Variants in NLRP11 observed in about 807,000 individuals in gnomAD.
The protein encoded by NLRP11 is NLR family pyrin domain containing 11.
Under a neutral mutation model 79.3 loss-of-function variants are expected in NLRP11, and 53 were observed. That is an observed-to-expected ratio of 0.67 (90% CI 0.54 to 0.84). NLRP11 has a LOEUF of 0.84. NLRP11 is among the 40% of genes least tolerant of loss of function. The pLI is 0.00. For synonymous variants in NLRP11, 518 were observed against 462.6 expected (o/e 1.12, Z -1.54); for missense variants, 1,264 against 1,255.0 (o/e 1.01, Z -0.11).
chr19:55,830,205 TTAG>T (rs1354565112), intron 1 of NLRP11, among the ~76,000 whole-genome samples: 3 of 152,158 alleles, frequency 2.0e-5, no homozygotes, highest in African/African-American at 7.2e-5. Flanking sequence ...AGATTAGGGA[TTAG>T]TAAGTTAAGC....
intron 1 of NLRP11, among the ~76,000 whole-genome samples, chr19:55,822,847 C>A (rs1368755767): frequency 2.6e-5 from 4 of 152,180 alleles, no homozygotes; most frequent in Non-Finnish European, 2.9e-5. Flanking sequence ...GGGGCGCCCG[C>A]CATTGCCCAG....
chr19:55,835,873 C>T (rs1166191677), upstream of NLRP11, among the ~76,000 whole-genome samples: 5 of 152,050 alleles, frequency 3.3e-5, no homozygotes, highest in African/African-American at 1.2e-4. Flanking sequence ...CCTGTAATCC[C>T]AGCACTTCGG....
intron 2 of NLRP11, among the ~76,000 whole-genome samples, chr19:55,810,637 C>T (rs927703618): frequency 6.6e-6 from 1 of 152,156 alleles, no homozygotes; most frequent in Non-Finnish European, 1.5e-5. Context: ...GCTAGGATTA[C>T]AGGCGTGCAC....
chr19:55,809,018 T>C lies in NLRP11; in HGVS notation c.1592A>G (p.His531Arg). ...CAACTTTTCCGGGTCACGGTCCAAA[T>C]GTTTCATGTATCCCACCGAGTACCA... Residue 531 changes from histidine (H) to arginine (R), a missense_variant, in exon 3 of 10, where the codon CAT (histidine) becomes CGT (arginine). His to Arg is a conservative substitution (Grantham distance 29). Transcript: ENST00000589093. This position sits in a 1 kb window ranked among gnomAD's most constrained non-coding sequence, Gnocchi z 4.5. 1.2e-6 allele frequency: 2 copies of C among 1,614,100 alleles called. No individual in the cohort carries two copies. The highest frequency in any genetic ancestry group is 8.5e-7 in the Non-Finnish European group (1 of 1,180,012).
At chr19:55,797,338 A>C (rs182462997) in intron 5 of NLRP11, among the ~76,000 whole-genome samples, 23 of 152,222 alleles carry the variant, frequency 1.5e-4, no homozygotes, top group Admixed American at 2.6e-4. Context: ...AAAATAAGTG[A>C]TCTTTCCCCA....
chr19:55,809,967 C>T lies in NLRP11; in HGVS notation c.643G>A (p.Ala215Thr). The change falls in exon 3 of 10, where the codon GCA becomes ACA. Residue 215 changes from alanine (A) to threonine (T), a missense_variant. Coordinates refer to ENST00000589093, the Ensembl canonical transcript of NLRP11. The surrounding 1 kb of genome is among the most constrained non-coding windows in gnomAD (Gnocchi z 4.5). ...TTCTTGGGATCAGACAGGATGTCTGCAATGGGAGCCTGGCCGTCAGGCCAG... is the reference window on the plus strand; with the variant it reads ...TTCTTGGGATCAGACAGGATGTCTGTAATGGGAGCCTGGCCGTCAGGCCAG... 1.2e-6 allele frequency: 2 copies of T among 1,614,194 alleles called. No homozygotes were observed. Among genetic ancestry groups the T allele is most frequent in the African/African-American group, 2.7e-5 (2 of 75,064 alleles).
At chr19:55,803,453 A>G (rs141724944) in intron 4 of NLRP11, among the ~76,000 whole-genome samples, 2 of 152,344 alleles carry the variant, frequency 1.3e-5, no homozygotes, top group East Asian at 3.9e-4. Context: ...AAAGCAAAAA[A>G]TGACAAATGG....
At chr19:55,798,751 C>CAG (rs879835954) in intron 5 of NLRP11, among the ~76,000 whole-genome samples, 1 of 142,754 alleles carries the variant, frequency 7.0e-6, no homozygotes, top group Non-Finnish European at 1.5e-5. Flanking sequence ...CACACACACA[C>CAG]TCACACACAC....
chr19:55,830,919 CAG>C (rs1165700564), intron 1 of NLRP11, among the ~76,000 whole-genome samples: 1 of 152,146 alleles, frequency 6.6e-6, no homozygotes, highest in African/African-American at 2.4e-5. Context: ...CACTGAGACA[CAG>C]GGGAATCACC....
intron 7 of NLRP11, among the ~76,000 whole-genome samples, chr19:55,791,586 A>G (rs528098146): frequency 6.6e-6 from 1 of 152,344 alleles, no homozygotes; most frequent in African/African-American, 2.4e-5. Flanking sequence ...AGTTTCTTAT[A>G]TTTCTGAGCC....
chr19:55,831,741 T>C (rs1334726240), intron 1 of NLRP11, among the ~76,000 whole-genome samples: 1 of 128,660 alleles, frequency 7.8e-6, no homozygotes, highest in Non-Finnish European at 1.6e-5. Context: ...TCTGTCAACT[T>C]AAATAAGTTT....
At chr19:55,808,802 T>G (rs773532438) in exon 3 of NLRP11, 1 of 1,610,594 alleles carries the variant, frequency 6.2e-7, no homozygotes, top group Admixed American at 1.7e-5. Flanking sequence ...CTCTTTGTTT[T>G]GAAAGATGCG....
intron 1 of NLRP11, among the ~76,000 whole-genome samples, chr19:55,830,109 G>C (rs1307873402): frequency 2.0e-5 from 3 of 152,070 alleles, no homozygotes; most frequent in Non-Finnish European, 4.4e-5. Flanking sequence ...ATTGTTCAAG[G>C]GTCCACTGTA....
At chr19:55,796,769 CT>C (rs1393158223) in intron 5 of NLRP11, among the ~76,000 whole-genome samples, 12 of 151,890 alleles carry the variant, frequency 7.9e-5, no homozygotes, top group Non-Finnish European at 1.8e-4. Flanking sequence ...TCACTGCAAC[CT>C]CTGCCTCCCG....
chr19:55,830,326 CAG>C (rs1982628056), intron 1 of NLRP11, among the ~76,000 whole-genome samples: 1 of 152,140 alleles, frequency 6.6e-6, no homozygotes, highest in African/African-American at 2.4e-5. Flanking sequence ...CTTCCGAGTT[CAG>C]GAGTCAACTG....
At chr19:55,801,674 C>T in exon 5 of NLRP11, 1 of 1,614,004 alleles carries the variant, frequency 6.2e-7, no homozygotes, top group African/African-American at 1.3e-5. Flanking sequence ...GTATGTCAGG[C>T]TCCGATTACG....
chr19:55,813,728 T>C (rs1980824887), intron 2 of NLRP11, among the ~76,000 whole-genome samples: 1 of 152,126 alleles, frequency 6.6e-6, no homozygotes, highest in Non-Finnish European at 1.5e-5. Flanking sequence ...ATTTCTATTT[T>C]CTCAGGGCCC....
In NLRP11 at chr19:55,830,615, ATG is replaced by A. The variant is rs796263551; in HGVS notation, c.-63+1346_-63+1347del. 2.0e-4 allele frequency among the ~76,000 whole-genome samples: 31 copies of A among 151,244 alleles called. 1 individual carries two copies. Among genetic ancestry groups the A allele is most frequent in the African/African-American group, 7.1e-4 (29 of 41,004 alleles). On this transcript the variant is annotated intron_variant, in intron 1 of 9. Coordinates refer to ENST00000589093, the Ensembl canonical transcript of NLRP11. Reference sequence around the variant, plus strand: ...TAGCTTCCTAAAAAAAAAAAAAAAAATGCAACGTTGAGTGTGTGTTAAAAGCT... The same window carrying A: ...TAGCTTCCTAAAAAAAAAAAAAAAAACAACGTTGAGTGTGTGTTAAAAGCT...
chr19:55,821,779 C>T (rs1036318629), intron 1 of NLRP11, among the ~76,000 whole-genome samples: 2 of 151,554 alleles, frequency 1.3e-5, no homozygotes, highest in Non-Finnish European at 2.9e-5. Context: ...GATGGGAGAA[C>T]CCATTAACAT....
Sources: gnomAD v4.1 joint callset for allele counts (sites outside exome capture counted in the v4.1 genomes callset) on GRCh38, gnomAD v4.1.1 for gene constraint, Gnocchi (gnomAD v3.1) non-coding constraint, MANE v1.5 for transcripts, NCBI Gene and HGNC (gene_info 2026-07-23, HGNC 2026-07-21) for gene names.